The following ZNF143 variants were observed in gnomAD, a reference collection of about 807,000 sequenced individuals.
ZNF143 encodes SPH-binding factor.
A neutral mutation model predicts 74.1 loss-of-function variants in ZNF143; 49 were observed. The ratio of observed to expected loss-of-function variants is 0.66; its 90% confidence interval spans 0.53 to 0.84. The LOEUF (loss-of-function observed/expected upper bound fraction) is 0.84. Ranked by LOEUF, ZNF143 falls within the 40% of genes least tolerant of loss-of-function variation. The probability of loss-of-function intolerance (pLI) is 0.00; values close to 1 mark genes in which losing one functional copy is unlikely to be tolerated. For missense variants in ZNF143, 637 were observed against 793.4 expected, an observed-to-expected ratio of 0.80 and a Z score of 2.37; for synonymous variants, 304 against 282.8, an observed-to-expected ratio of 1.07 and a Z score of -0.75.
chr11:9,528,231 C>T lies in ZNF143; in HGVS notation c.*618C>T. On this transcript the variant is annotated 3_prime_UTR_variant, in exon 16 of 16. Coordinates refer to ENST00000396602, the MANE Select transcript of ZNF143 (RefSeq NM_003442.6). ...TATTGGCATTACATTGAATTATGTA[C>T]AAAATTATAAAATTTGGTTATTTAA... is the stretch of plus-strand genomic sequence containing the variant. 6.6e-6 allele frequency: 1 copy of T among 152,366 alleles called. No homozygotes were observed. The highest frequency in any genetic ancestry group is 2.4e-5 in the African/African-American group (1 of 41,544). The allele number at this position is 152,366 out of a possible 1,614,324, so 9.4% of individuals were successfully genotyped here. A position where few individuals can be genotyped will look rare whatever the true frequency, so the allele number is the denominator to read the frequency against.
chr11:9,475,637 T>G (rs7483667), intron 5 of ZNF143, among the ~76,000 whole-genome samples: 56,749 of 152,002 alleles, frequency 0.37, 11,204 homozygotes, highest in Non-Finnish European at 0.44. Flanking sequence ...ATGCCTGTAA[T>G]CCTAGCACTT....
intron 14 of ZNF143, among the ~76,000 whole-genome samples, chr11:9,520,323 ATTTTTTTT>A (rs984661960): frequency 1.6e-5 from 2 of 122,424 alleles, no homozygotes; most frequent in African/African-American, 3.1e-5. Flanking sequence ...TGCCTGTCCA[ATTTTTTTT>A]TTTTTTTTTT....
intron 6 of ZNF143, 101 bp from the exon 7 acceptor site, chr11:9,479,371 T>G (rs1349694975): frequency 3.6e-5 from 32 of 887,094 alleles, no homozygotes; most frequent in Non-Finnish European, 5.1e-5. Context: ...TTTTTTTTCT[T>G]TTTCTTTTTT....
intron 10 of ZNF143, among the ~76,000 whole-genome samples, chr11:9,499,477 T>G (rs538138747): frequency 6.6e-6 from 1 of 152,330 alleles, no homozygotes; most frequent in Admixed American, 6.5e-5. Context: ...GATTTCATAC[T>G]TAAGGGGAGA....
At chr11:9,504,083 C>T (rs541588457) in intron 11 of ZNF143, among the ~76,000 whole-genome samples, 2 of 150,476 alleles carry the variant, frequency 1.3e-5, no homozygotes, top group Non-Finnish European at 3.0e-5. Flanking sequence ...CCTCAGCCCC[C>T]ACAAGTAGCT....
At chr11:9,478,869 A>C (rs1289401766) in intron 6 of ZNF143, among the ~76,000 whole-genome samples, 3 of 152,176 alleles carry the variant, frequency 2.0e-5, no homozygotes, top group African/African-American at 7.2e-5. Flanking sequence ...ATTTATCTTA[A>C]GTGAAGTGTG....
chr11:9,527,562 C>T lies in ZNF143; in HGVS notation c.1866C>T (p.Ile622=). ...AACAGCCATCTCTGGAAGAAGCCAT[C>T]AGAATAGCGTCTAGAATCCAACAAG... ...LGEQPSLEEA[I]RIASRIQQGE... Residue 622 remains isoleucine (I), a synonymous_variant, in exon 16 of 16, where the codon ATC becomes ATT. Coordinates refer to ENST00000396602, the MANE Select transcript of ZNF143 (RefSeq NM_003442.6). 14 of 1,613,690 alleles carry T rather than the reference C, an allele frequency of 8.7e-6. No individual in the cohort carries two copies. The highest frequency in any genetic ancestry group is 1.7e-5 in the Admixed American group (1 of 60,004).
intron 5 of ZNF143, among the ~76,000 whole-genome samples, chr11:9,475,626 C>T (rs779104683): frequency 1.3e-5 from 2 of 152,166 alleles, no homozygotes; most frequent in Non-Finnish European, 2.9e-5. Context: ...CATGTTGGCT[C>T]ATGCCTGTAA....
rs889416330 is a variant in ZNF143 at position 9,497,725 on chromosome 11, C to T, written c.892C>T (p.Arg298Trp). ...AACTCATACAGGAGAAAAGCCATATCGGTGTTCGGAAGATAATTGTACTAA... is the reference window on the plus strand; with the variant it reads ...AACTCATACAGGAGAAAAGCCATATTGGTGTTCGGAAGATAATTGTACTAA... Reference protein sequence around the residue: ...VRTHTGEKPYRCSEDNCTKSF... With the variant: ...VRTHTGEKPYWCSEDNCTKSF... The change falls in exon 10 of 16, where the codon CGG (arginine) becomes TGG (tryptophan). Residue 298 changes from arginine to tryptophan, a missense_variant. Around this residue, in one of 2 missense-constraint regions of ZNF143, gnomAD observed 344 missense variants for 485.6 expected, o/e 0.71. Transcript: ENST00000396602. 1.2e-5 allele frequency: 19 copies of T among 1,607,316 alleles called. No individual in the cohort carries two copies. Among genetic ancestry groups the T allele is most frequent in the Non-Finnish European group, 1.5e-5 (18 of 1,174,970 alleles).
At chr11:9,524,497 T>A (rs1193437240) in intron 14 of ZNF143, among the ~76,000 whole-genome samples, 1 of 152,228 alleles carries the variant, frequency 6.6e-6, no homozygotes, top group Non-Finnish European at 1.5e-5. Context: ...AAATGTAGCA[T>A]TTTTAGTGGA....
chr11:9,461,387 AAG>A (rs775651725), intron 1 of ZNF143, among the ~76,000 whole-genome samples: 18 of 152,262 alleles, frequency 1.2e-4, no homozygotes, highest in Middle Eastern at 3.4e-3. Context: ...GAGGGAGTGA[AAG>A]AGGGGAGGGT....
intron 9 of ZNF143, 66 bp from the exon 10 acceptor site, chr11:9,497,609 T>A (rs1848007564): frequency 7.9e-7 from 1 of 1,258,704 alleles, no homozygotes; most frequent in East Asian, 2.5e-5. Context: ...TTTCAGTAGC[T>A]TATTCTCAGT....
At chr11:9,512,727 G>T in intron 13 of ZNF143, 131 bp downstream of exon 13, 2 of 1,059,420 alleles carry the variant, frequency 1.9e-6, no homozygotes, top group Non-Finnish European at 2.7e-6. Context: ...AGGTTTTTCA[G>T]TAGTCTGCTT....
Position 9,527,596 on chromosome 11 carries a change from C to G in ZNF143, c.1900C>G (p.Pro634Ala), listed in dbSNP as rs1849175644. ...IASRIQQGET[P>A]GLDD ...GTCTAGAATCCAACAAGGAGAAACG[C>G]CAGGGTTGGATGATTAATCCTCAGA... is the stretch of plus-strand genomic sequence containing the variant. The change falls in exon 16 of 16, where the codon CCA becomes GCA. Residue 634 changes from proline (P) to alanine (A), a missense_variant. Pro to Ala is a conservative substitution (Grantham distance 27). Coordinates refer to ENST00000396602, the MANE Select transcript of ZNF143 (RefSeq NM_003442.6). 6.2e-7 allele frequency: 1 copy of G among 1,613,832 alleles called. No individual in the cohort carries two copies. The highest frequency in any genetic ancestry group is 1.3e-5 in the African/African-American group (1 of 74,896).
At chr11:9,503,615 A>G (rs1034716538) in intron 11 of ZNF143, among the ~76,000 whole-genome samples, 2 of 142,286 alleles carry the variant, frequency 1.4e-5, no homozygotes, top group African/African-American at 5.2e-5. Flanking sequence ...TTTGATTTGC[A>G]TTTTTCTGAT....
intron 6 of ZNF143, 80 bp downstream of exon 6, chr11:9,478,666 A>G (rs1847117494): frequency 6.6e-7 from 1 of 1,506,678 alleles, no homozygotes; most frequent in Non-Finnish European, 9.0e-7. Context: ...ACAAAAAAGT[A>G]CACCTCATCA....
At chr11:9,508,212 T>G (rs144213600) in intron 11 of ZNF143, among the ~76,000 whole-genome samples, 6 of 152,364 alleles carry the variant, frequency 3.9e-5, no homozygotes, top group African/African-American at 1.4e-4. Flanking sequence ...ACAATCCTTT[T>G]TTATTATCTT....
At chr11:9,518,735 A>G (rs78895233) in intron 14 of ZNF143, among the ~76,000 whole-genome samples, 1,571 of 151,344 alleles carry the variant, frequency 0.01, 9 homozygotes, top group Middle Eastern at 0.071. Context: ...AAAAAAAAAA[A>G]GCTTCTGGTT....
At chr11:9,472,608 T>TG (rs1856646129) in intron 2 of ZNF143, 69 bp from the exon 3 acceptor site, 1 of 1,381,780 alleles carries the variant, frequency 7.2e-7, no homozygotes, top group African/African-American at 1.5e-5. Context: ...GATCTTTATT[T>TG]GAAAAAAAAA....
Sources: gnomAD v4.1 joint callset for allele counts (sites outside exome capture counted in the v4.1 genomes callset) on GRCh38, gnomAD v4.1.1 for gene constraint, gnomAD v4.1.1 regional missense constraint, MANE v1.5 for transcripts, NCBI Gene and HGNC (gene_info 2026-07-23, HGNC 2026-07-21) for gene names.